Variants in PKIB observed in about 807,000 individuals in gnomAD.
PKIB encodes the protein PKI-beta.
In PKIB, 2 loss-of-function variants were observed where a neutral mutation model predicts 4.5. That is an observed-to-expected ratio of 0.44 (90% CI 0.18 to 1.39). The LOEUF is 1.39. Ranked by LOEUF, PKIB falls within the 40% of genes most tolerant of loss-of-function variation. The pLI, the probability that PKIB is intolerant of heterozygous loss-of-function variation, is 0.27. For synonymous variants in PKIB, 38 were observed against 36.0 expected (o/e 1.06, Z -0.20); for missense variants, 94 against 92.6 (o/e 1.02, Z -0.06).
Position 122,701,987 on chromosome 6 carries a change from A to G in PKIB, c.-8-15800A>G, listed in dbSNP as rs117477669. ...TTACTATTAGTTACATTAGGTAACCAGAATAAGACTTGGATTTCTAAGAGT... is the reference window on the plus strand; with the variant it reads ...TTACTATTAGTTACATTAGGTAACCGGAATAAGACTTGGATTTCTAAGAGT... On this transcript the variant is annotated intron_variant, in intron 3 of 4. Coordinates refer to ENST00000368452, the MANE Select transcript of PKIB (RefSeq NM_181795.3). 3.0e-3 allele frequency among the ~76,000 whole-genome samples: 463 copies of G among 152,320 alleles called. 18 individuals are homozygous for G. In the East Asian group the frequency reaches 0.079, roughly 26 times the overall value.
upstream of PKIB, among the ~76,000 whole-genome samples, chr6:122,606,485 T>A (rs182446268): frequency 3.5e-4 from 51 of 147,674 alleles, no homozygotes; most frequent in African/African-American, 1.2e-3. Flanking sequence ...GGCAGGAGAA[T>A]CGCTCGAACC....
intron 3 of PKIB, among the ~76,000 whole-genome samples, chr6:122,712,917 A>G (rs1428409420): frequency 6.6e-6 from 1 of 152,122 alleles, no homozygotes; most frequent in Non-Finnish European, 1.5e-5. Context: ...TAACATACTA[A>G]CATCCTCTTT....
chr6:122,716,196 G>C (rs1779487204), intron 3 of PKIB, among the ~76,000 whole-genome samples: 1 of 152,106 alleles, frequency 6.6e-6, no homozygotes, highest in Admixed American at 6.6e-5. Flanking sequence ...ATACCTTATA[G>C]TTACAAAGAG....
In PKIB at chr6:122,642,016, G is replaced by A. The variant is rs566476201; in HGVS notation, c.-76+8649G>A. Among the ~76,000 whole-genome samples the A allele has an allele frequency of 3.0e-4, 46 of 152,270 alleles. No homozygotes were observed. The South Asian group carries it at 7.3e-3, about 24-fold the overall frequency. On this transcript the variant is annotated intron_variant, in intron 2 of 4. Coordinates refer to ENST00000368452, the MANE Select transcript of PKIB (RefSeq NM_181795.3). Reference sequence around the variant, plus strand: ...CTGTTACTGATTAATTTTGAATTGAGCTTCAGCCAATCACAGACACCCAGC... The same window carrying A: ...CTGTTACTGATTAATTTTGAATTGAACTTCAGCCAATCACAGACACCCAGC...
intron 2 of PKIB, chr6:122,478,357 G>A (rs1302750044): frequency 1.3e-5 from 2 of 152,182 alleles, no homozygotes; most frequent in Non-Finnish European, 2.9e-5. Context: ...CTCAGTGGTT[G>A]TAGAGCTGAC....
intron 2 of PKIB, among the ~76,000 whole-genome samples, chr6:122,666,280 C>T (rs1190415956): frequency 1.3e-5 from 2 of 152,168 alleles, no homozygotes; most frequent in Admixed American, 1.3e-4. Context: ...AAATTTCCAA[C>T]AGGTTACCTA....
chr6:122,560,873 G>A (rs1772991248), intron 2 of PKIB, among the ~76,000 whole-genome samples: 1 of 151,916 alleles, frequency 6.6e-6, no homozygotes, highest in African/African-American at 2.4e-5. Flanking sequence ...TATTTCAGTG[G>A]TGTCAGTTGT....
At chr6:122,663,329 A>T (rs1277189933) in intron 2 of PKIB, among the ~76,000 whole-genome samples, 1 of 152,198 alleles carries the variant, frequency 6.6e-6, no homozygotes, top group Non-Finnish European at 1.5e-5. Context: ...GTAACCTGAA[A>T]GAAGAGCCTG....
At chr6:122,540,077 C>A (rs1777544059) in intron 2 of PKIB, among the ~76,000 whole-genome samples, 1 of 151,886 alleles carries the variant, frequency 6.6e-6, no homozygotes, top group Middle Eastern at 3.4e-3. Context: ...CTCTTTTATT[C>A]TTTATTAGTC....
chr6:122,673,157 A>G (rs563287709), intron 2 of PKIB, among the ~76,000 whole-genome samples: 57 of 106,086 alleles, frequency 5.4e-4, no homozygotes, highest in African/African-American at 2.1e-3. Flanking sequence ...ATAGACAAGG[A>G]TAGGTGGATT....
upstream of PKIB, among the ~76,000 whole-genome samples, chr6:122,609,779 G>A (rs1774672568): frequency 6.6e-6 from 1 of 152,136 alleles, no homozygotes; most frequent in African/African-American, 2.4e-5. Context: ...ATTTTTCTTA[G>A]TGAGAACCTG....
intron 1 of PKIB, among the ~76,000 whole-genome samples, chr6:122,618,603 A>C (rs1309193171): frequency 6.6e-6 from 1 of 152,082 alleles, no homozygotes; most frequent in Admixed American, 6.6e-5. Context: ...GCATACACAT[A>C]ACTTTTTAAA....
At chr6:122,723,350 C>A (rs1054484690) in intron 4 of PKIB, among the ~76,000 whole-genome samples, 1 of 152,096 alleles carries the variant, frequency 6.6e-6, no homozygotes, top group Non-Finnish European at 1.5e-5. Context: ...GGTATAAAAG[C>A]GAACTCCAGA....
chr6:122,609,653 A>T (rs1423397002), upstream of PKIB, among the ~76,000 whole-genome samples: 1 of 152,190 alleles, frequency 6.6e-6, no homozygotes, highest in Non-Finnish European at 1.5e-5. Context: ...AGATTTTAAG[A>T]CTTCAGTGAG....
intron 3 of PKIB, among the ~76,000 whole-genome samples, chr6:122,697,598 T>C (rs1778627765): frequency 6.6e-6 from 1 of 151,936 alleles, no homozygotes; most frequent in Non-Finnish European, 1.5e-5. Flanking sequence ...GGGGTGTGAA[T>C]TGAGACTAAC....
At chr6:122,476,118 A>G (rs1775446316) in intron 1 of PKIB, among the ~76,000 whole-genome samples, 1 of 152,222 alleles carries the variant, frequency 6.6e-6, no homozygotes, top group Non-Finnish European at 1.5e-5. Context: ...AAATATAATG[A>G]GGACTGAAAC....
chr6:122,474,085 ATC>A (rs1775387296), intron 1 of PKIB, among the ~76,000 whole-genome samples: 1 of 152,252 alleles, frequency 6.6e-6, no homozygotes, highest in South Asian at 2.1e-4. Flanking sequence ...GTGAGCTGGG[ATC>A]GTGCCACTGC....
At chr6:122,658,858 A>ATTTTTTTTTTTTTTTTTTTTTTTT (rs374815557) in intron 2 of PKIB, among the ~76,000 whole-genome samples, 137 of 138,088 alleles carry the variant, frequency 9.9e-4, no homozygotes, top group African/African-American at 2.6e-3. Flanking sequence ...CATTTGACAA[A>ATTTTTTTTTTTTTTTTTTTTTTTT]TTTTTTATTG....
At chr6:122,676,429 C>G (rs185943073) in intron 3 of PKIB, among the ~76,000 whole-genome samples, 1 of 152,108 alleles carries the variant, frequency 6.6e-6, no homozygotes, top group Non-Finnish European at 1.5e-5. Flanking sequence ...CAGCCCATGG[C>G]CCAAGTGTAA....
Sources: allele counts gnomAD v4.1 joint callset (sites outside exome capture counted in the v4.1 genomes callset), GRCh38; gene constraint gnomAD v4.1.1; transcripts MANE v1.5; gene names NCBI Gene and HGNC (gene_info 2026-07-23, HGNC 2026-07-21).